Variants in CES5A observed in about 807,000 individuals in gnomAD.
CES5A encodes the protein carboxylesterase 5.
CES5A carries 67 observed loss-of-function variants against 62.9 expected under a neutral mutation model. The ratio of observed to expected loss-of-function variants is 1.07; its 90% confidence interval spans 0.88 to 1.31. The LOEUF is 1.31. Among genes scored for constraint, CES5A ranks in the 50% most tolerant of loss-of-function variants. The probability of loss-of-function intolerance (pLI) is 0.00; values close to 1 mark genes in which losing one functional copy is unlikely to be tolerated. For missense variants in CES5A, 748 were observed against 708.5 expected, an observed-to-expected ratio of 1.06 and a Z score of -0.63; for synonymous variants, 296 against 280.8, an observed-to-expected ratio of 1.05 and a Z score of -0.54.
At chr16:55,878,725 CCCACCACTGCACA>C (rs1454040359), upstream of CES5A, among the ~76,000 whole-genome samples, 2 of 150,226 alleles carry the variant, frequency 1.3e-5, no homozygotes, top group Admixed American at 6.6e-5. Context: ...TGACTGCACC[CCCACCACTGCACA>C]CCACCACTGC....
At chr16:55,943,254 T>C (rs1348427755) in intron 2 of CES5A, among the ~76,000 whole-genome samples, 1 of 152,224 alleles carries the variant, frequency 6.6e-6, no homozygotes, top group Non-Finnish European at 1.5e-5. Context: ...ATTCCCTCCA[T>C]GTAATCTTCT....
At chr16:55,915,545 C>A (rs1426854041) in intron 1 of CES5A, among the ~76,000 whole-genome samples, 1 of 151,944 alleles carries the variant, frequency 6.6e-6, no homozygotes, top group Non-Finnish European at 1.5e-5. Flanking sequence ...GGAGAAATAG[C>A]AGGTGGGGTT....
intron 1 of CES5A, among the ~76,000 whole-genome samples, chr16:55,917,548 A>T (rs1192534341): frequency 6.6e-6 from 1 of 152,214 alleles, no homozygotes; most frequent in African/African-American, 2.4e-5. Context: ...CTCACTGGCC[A>T]TTGGCCAAAT....
At chr16:55,850,036 T>C (rs769191611) in intron 10 of CES5A, among the ~76,000 whole-genome samples, 1 of 152,268 alleles carries the variant, frequency 6.6e-6, no homozygotes, top group Non-Finnish European at 1.5e-5. Context: ...ATCTACTTTG[T>C]TGGGACTTTC....
chr16:55,912,420 C>A (rs2034103017), intron 1 of CES5A, among the ~76,000 whole-genome samples: 1 of 152,078 alleles, frequency 6.6e-6, no homozygotes, highest in African/African-American at 2.4e-5. Context: ...TGGAAGGGAG[C>A]ATTCGAGGAA....
At chr16:55,854,380 G>C (rs1251202054) in intron 9 of CES5A, among the ~76,000 whole-genome samples, 1 of 151,664 alleles carries the variant, frequency 6.6e-6, no homozygotes, top group Non-Finnish European at 1.5e-5. Flanking sequence ...TCTTCTCCAT[G>C]AGGCCATCTC....
At chr16:55,913,800 T>C (rs113051158) in intron 1 of CES5A, among the ~76,000 whole-genome samples, 1 of 152,342 alleles carries the variant, frequency 6.6e-6, no homozygotes, top group African/African-American at 2.4e-5. Context: ...TGAATGCATT[T>C]AGTCATTCAT....
chr16:55,953,701 A>G (rs1454260264), intron 1 of CES5A, among the ~76,000 whole-genome samples: 2 of 152,104 alleles, frequency 1.3e-5, no homozygotes, highest in Non-Finnish European at 2.9e-5. Context: ...TTTGCTTTTT[A>G]GTTTTTCTTA....
Position 55,859,652 on chromosome 16 carries a change from A to C in CES5A, c.951T>G (p.Ala317=). 6.2e-7 allele frequency: 1 copy of C among 1,613,346 alleles called. No homozygotes were observed. Among genetic ancestry groups the C allele is most frequent in the Non-Finnish European group, 8.5e-7 (1 of 1,179,736 alleles). Residue 317 remains alanine (A), a synonymous_variant, in exon 8 of 13, where the codon GCT becomes GCG. Transcript: ENST00000290567. ...GATCTAGAGGCTCATTAGGAAAGAA[A>C]GCACCATCAACCACTCGAGTGAAAG... ...TKSFTRVVDG[A]FFPNEPLDLL... is the part of the protein sequence containing the mutation.
chr16:55,923,555 C>A (rs2034230044), intron 1 of CES5A, among the ~76,000 whole-genome samples: 1 of 151,726 alleles, frequency 6.6e-6, no homozygotes, highest in African/African-American at 2.4e-5. Flanking sequence ...AAGCCCAGGA[C>A]CTGATAGCTT....
At chr16:55,892,699 C>A (rs2033892746) in intron 1 of CES5A, among the ~76,000 whole-genome samples, 1 of 148,596 alleles carries the variant, frequency 6.7e-6, no homozygotes. Flanking sequence ...TTTAAAAGCT[C>A]ACACTCTAAC....
intron 1 of CES5A, among the ~76,000 whole-genome samples, chr16:55,952,047 A>G (rs2034563196): frequency 6.6e-6 from 1 of 152,164 alleles, no homozygotes; most frequent in Middle Eastern, 3.2e-3. Context: ...AGTAGGCCAC[A>G]AAGGAAACCT....
intron 1 of CES5A, among the ~76,000 whole-genome samples, chr16:55,953,819 T>G (rs1207337671): frequency 6.6e-6 from 1 of 152,236 alleles, no homozygotes; most frequent in East Asian, 1.9e-4. Context: ...AGGCACGCAA[T>G]GTGTAATAAT....
intron 2 of CES5A, among the ~76,000 whole-genome samples, chr16:55,939,587 T>C (rs1379438827): frequency 6.6e-6 from 1 of 152,120 alleles, no homozygotes; most frequent in African/African-American, 2.4e-5. Flanking sequence ...TAGGAGACAC[T>C]GTATAGTTCT....
At chr16:55,896,346 G>GAC (rs1173600505) in intron 1 of CES5A, among the ~76,000 whole-genome samples, 1 of 152,094 alleles carries the variant, frequency 6.6e-6, no homozygotes, top group Non-Finnish European at 1.5e-5. Context: ...TTTGGGTAGG[G>GAC]ACACAGCCAA....
At chr16:55,869,824 A>C (rs1319632201) in intron 3 of CES5A, 80 bp from the exon 4 acceptor site, 1 of 1,494,188 alleles carries the variant, frequency 6.7e-7, no homozygotes, top group Admixed American at 2.3e-5. Flanking sequence ...ACACGTTCTT[A>C]AGGTGAAATA....
upstream of CES5A, among the ~76,000 whole-genome samples, chr16:55,877,445 T>C (rs2033711003): frequency 7.5e-6 from 1 of 132,696 alleles, no homozygotes; most frequent in Non-Finnish European, 1.6e-5. Flanking sequence ...TGTGTGTGTA[T>C]ATATATGTAT....
chr16:55,912,003 G>A (rs1297761386), intron 1 of CES5A, among the ~76,000 whole-genome samples: 3 of 152,348 alleles, frequency 2.0e-5, no homozygotes, highest in African/African-American at 7.2e-5. Flanking sequence ...TACCAAGCAA[G>A]GTGACAGTGA....
At chr16:55,931,808 G>A (rs1458372938) in intron 2 of CES5A, among the ~76,000 whole-genome samples, 6 of 152,168 alleles carry the variant, frequency 3.9e-5, no homozygotes, top group African/African-American at 7.2e-5. Context: ...TGAGGACAGG[G>A]ACCTTGCCTT....
Sources: gnomAD v4.1 joint callset for allele counts (sites outside exome capture counted in the v4.1 genomes callset) on GRCh38, gnomAD v4.1.1 for gene constraint, MANE v1.5 for transcripts, NCBI Gene and HGNC (gene_info 2026-07-23, HGNC 2026-07-21) for gene names.